The following STK10 variants were observed in gnomAD, a reference collection of about 807,000 sequenced individuals.
The protein encoded by STK10 is serine/threonine kinase 10, also known as serine/threonine-protein kinase 10.
In STK10, 78 loss-of-function variants were observed where a neutral mutation model predicts 113.8. The observed-to-expected ratio is 0.69, with a 90% CI of 0.57 to 0.83. The LOEUF is 0.83. Among genes scored for constraint, STK10 ranks in the 40% least tolerant of loss-of-function variants. STK10 has a pLI of 0.00. For missense variants in STK10, 1,109 were observed against 1,280.1 expected, an observed-to-expected ratio of 0.87 and a Z score of 2.04; for synonymous variants, 465 against 494.7, an observed-to-expected ratio of 0.94 and a Z score of 0.80.
chr5:172,118,568 A>C (rs1427697902), intron 3 of STK10, among the ~76,000 whole-genome samples: 2 of 152,124 alleles, frequency 1.3e-5, no homozygotes, highest in Non-Finnish European at 2.9e-5. Context: ...AACAGCTGAC[A>C]TGAGCTGGTG....
chr5:172,111,617 T>C (rs1769239444), intron 4 of STK10, among the ~76,000 whole-genome samples: 1 of 152,120 alleles, frequency 6.6e-6, no homozygotes, highest in Admixed American at 6.5e-5. Flanking sequence ...TCAAAAGGGA[T>C]TTTCACCATG....
intron 2 of STK10, among the ~76,000 whole-genome samples, chr5:172,142,690 G>A (rs1285880310): frequency 2.0e-5 from 3 of 152,204 alleles, no homozygotes; most frequent in Admixed American, 2.0e-4. Context: ...GACATTGCCT[G>A]GTACATAGTA....
chr5:172,099,719 C>A (rs547930486), intron 7 of STK10, among the ~76,000 whole-genome samples: 3 of 152,124 alleles, frequency 2.0e-5, no homozygotes, highest in Non-Finnish European at 4.4e-5. Context: ...CTCCACACTG[C>A]GCAATCTAAC....
chr5:172,142,081 T>G (rs1379370293), intron 2 of STK10, among the ~76,000 whole-genome samples: 2 of 152,154 alleles, frequency 1.3e-5, no homozygotes, highest in Admixed American at 1.3e-4. Context: ...GGCCAATCTA[T>G]GGGTCTGGAT....
intron 12 of STK10, among the ~76,000 whole-genome samples, chr5:172,077,548 A>T (rs1561797590): frequency 6.6e-6 from 1 of 152,226 alleles, no homozygotes; most frequent in Non-Finnish European, 1.5e-5. Flanking sequence ...TTGTATATGC[A>T]TATATACACA....
intron 2 of STK10, among the ~76,000 whole-genome samples, chr5:172,141,046 A>C (rs1232016479): frequency 6.6e-6 from 1 of 152,216 alleles, no homozygotes; most frequent in Non-Finnish European, 1.5e-5. Context: ...CACTTAAATG[A>C]GGAATCTGGT....
chr5:172,167,670 C>T (rs1770596682), intron 1 of STK10, among the ~76,000 whole-genome samples: 1 of 152,204 alleles, frequency 6.6e-6, no homozygotes, highest in Non-Finnish European at 1.5e-5. Context: ...GATACAGTAG[C>T]TACTAGCCGC....
intron 1 of STK10, among the ~76,000 whole-genome samples, chr5:172,182,902 G>A (rs555553583): frequency 3.9e-5 from 6 of 152,152 alleles, no homozygotes; most frequent in Non-Finnish European, 5.9e-5. Flanking sequence ...TGCTCAGGCT[G>A]GCAAAGCAAT....
intron 15 of STK10, chr5:172,057,141 A>T: frequency 1.7e-6 from 1 of 602,404 alleles, no homozygotes; most frequent in Non-Finnish European, 2.8e-6. Context: ...GCTTCCCTGC[A>T]TCGTTTCCCC....
At chr5:172,061,399 G>T in intron 13 of STK10, 131 bp from the exon 14 acceptor site, 1 of 1,353,966 alleles carries the variant, frequency 7.4e-7, no homozygotes, top group Non-Finnish European at 9.9e-7. Context: ...ATTGGTGGAG[G>T]AGAAATTTAA....
chr5:172,083,925 G>GAAAAAAAAAA (rs58326550), intron 10 of STK10, among the ~76,000 whole-genome samples: 25 of 85,714 alleles, frequency 2.9e-4, no homozygotes, highest in Admixed American at 4.4e-4. Flanking sequence ...ACAAAAAAAA[G>GAAAAAAAAAA]AAAAAAAAAA....
chr5:172,171,282 A>G (rs1170535495), intron 1 of STK10, among the ~76,000 whole-genome samples: 1 of 152,188 alleles, frequency 6.6e-6, no homozygotes, highest in Admixed American at 6.5e-5. Flanking sequence ...AACACTTCCC[A>G]GCTGTGTGCC....
chr5:172,069,301 TTAAATA>T (rs1768131463), intron 12 of STK10, among the ~76,000 whole-genome samples: 1 of 152,084 alleles, frequency 6.6e-6, no homozygotes, highest in Non-Finnish European at 1.5e-5. Flanking sequence ...GAAACCCATG[TTAAATA>T]TAAAGATTTA....
At chr5:172,138,712 C>CA (rs578163554) in intron 2 of STK10, among the ~76,000 whole-genome samples, 75 of 150,632 alleles carry the variant, frequency 5.0e-4, no homozygotes, top group Non-Finnish European at 8.0e-4. Context: ...TAAATTGTTG[C>CA]AAAAAAAAAT....
chr5:172,100,522 C>T (rs1448710626), intron 7 of STK10, among the ~76,000 whole-genome samples: 1 of 152,174 alleles, frequency 6.6e-6, no homozygotes, highest in Non-Finnish European at 1.5e-5. Context: ...CATGGTGGCT[C>T]ACACCTGTAA....
chr5:172,057,455 C>A lies in STK10; in HGVS notation c.2231G>T (p.Trp744Leu). The change falls in exon 15 of 19, where the codon TGG (tryptophan) becomes TTG (leucine). Residue 744 changes from tryptophan (W) to leucine (L), a missense_variant. Physicochemically the swap from Trp to Leu is moderately conservative, Grantham distance 61. Around this residue, in one of 5 missense-constraint regions of STK10, gnomAD observed 885 missense variants for 991.1 expected, o/e 0.89. Transcript: ENST00000176763. ...CTGCAGCTGGTGCTCTTCCATCTCC[C>A]ACAGGGCTGCTTCCCGGTCTGCAGA... ...ELLRDREAAL[W>L]EMEEHQLQER... 6.4e-7 allele frequency: 1 copy of A among 1,550,416 alleles called. No homozygotes were observed.
chr5:172,178,118 G>A (rs867946854), intron 1 of STK10, among the ~76,000 whole-genome samples: 15 of 152,290 alleles, frequency 9.8e-5, no homozygotes, highest in Admixed American at 2.6e-4. Context: ...GTGAGCCACC[G>A]CGCCCAGCCC....
At chr5:172,071,627 T>C (rs1768183158) in intron 12 of STK10, among the ~76,000 whole-genome samples, 1 of 152,120 alleles carries the variant, frequency 6.6e-6, no homozygotes, top group Non-Finnish European at 1.5e-5. Context: ...CTACTACAGC[T>C]GTGCACCCAG....
intron 2 of STK10, among the ~76,000 whole-genome samples, chr5:172,154,157 T>TA (rs992344161): frequency 6.6e-6 from 1 of 152,212 alleles, no homozygotes; most frequent in Non-Finnish European, 1.5e-5. Context: ...GGCCCTACCT[T>TA]AAAACGCCAA....
Sources: gnomAD v4.1 joint callset for allele counts (sites outside exome capture counted in the v4.1 genomes callset) on GRCh38, gnomAD v4.1.1 for gene constraint, gnomAD v4.1.1 regional missense constraint, MANE v1.5 for transcripts, NCBI Gene and HGNC (gene_info 2026-07-23, HGNC 2026-07-21) for gene names.